TAF4: variants seen among roughly 807,000 people sequenced by gnomAD.
The protein encoded by TAF4 is transcription initiation factor TFIID subunit 4.
TAF4 carries 9 observed loss-of-function variants against 90.3 expected under a neutral mutation model. That is an observed-to-expected ratio of 0.10 (90% CI 0.06 to 0.17). The LOEUF (loss-of-function observed/expected upper bound fraction) is 0.17, where lower values mean the gene tolerates loss of function less well. Ranked by LOEUF, TAF4 falls within the 10% of genes least tolerant of loss-of-function variation. The probability of loss-of-function intolerance (pLI) is 1.00; values close to 1 mark genes in which losing one functional copy is unlikely to be tolerated. For missense variants in TAF4, 1,351 were observed against 1,370.7 expected, an observed-to-expected ratio of 0.99 and a Z score of 0.23; for synonymous variants, 818 against 638.9, an observed-to-expected ratio of 1.28 and a Z score of -4.23.
rs369048709 is a variant in TAF4, at chr20:61,985,112, G to A, written c.3091-8777C>T. On this transcript the variant is annotated intron_variant, in intron 14 of 14. Transcript: ENST00000252996. ...CGTTTTTGTACAGTTCTGACTCTCC[G>A]GACCATGGCAACGCTCCACCTCTCA... Among the ~76,000 whole-genome samples the A allele has an allele frequency of 3.9e-3, 419 of 107,428 alleles. 2 individuals carry two copies. The highest frequency in any genetic ancestry group is 0.013 in the African/African-American group (388 of 30,616). The allele number at this position is 107,428 out of a possible 152,430, so 70.5% of individuals were successfully genotyped here. A position where few individuals can be genotyped will look rare whatever the true frequency, so the allele number is the denominator to read the frequency against.
intron 1 of TAF4, among the ~76,000 whole-genome samples, chr20:62,056,754 G>A (rs1415990187): frequency 6.6e-6 from 1 of 152,228 alleles, no homozygotes; most frequent in African/African-American, 2.4e-5. Context: ...GACGTTACAA[G>A]TGACTGTATT....
intron 1 of TAF4, among the ~76,000 whole-genome samples, chr20:62,052,232 C>T (rs552703195): frequency 6.6e-6 from 1 of 152,092 alleles, no homozygotes; most frequent in South Asian, 2.1e-4. Context: ...CTCCCCCTCC[C>T]GCCCCACCCA....
chr20:62,020,391 C>A (rs2055836123), intron 1 of TAF4, among the ~76,000 whole-genome samples: 1 of 152,248 alleles, frequency 6.6e-6, no homozygotes, highest in African/African-American at 2.4e-5. Flanking sequence ...GAACAGTCGC[C>A]CCTGCCAGCC....
At chr20:62,026,143 T>A (rs898626395) in intron 1 of TAF4, among the ~76,000 whole-genome samples, 5 of 152,154 alleles carry the variant, frequency 3.3e-5, no homozygotes, top group Admixed American at 3.3e-4. Context: ...AACTGCCAAG[T>A]TCACAGCTAG....
At chr20:62,025,337 C>CA (rs1411644557) in intron 1 of TAF4, among the ~76,000 whole-genome samples, 1 of 152,208 alleles carries the variant, frequency 6.6e-6, no homozygotes, top group Non-Finnish European at 1.5e-5. Context: ...GAAAAGCACT[C>CA]AAATAAAATG....
rs761401561 is a variant in TAF4 at position 62,010,064 on chromosome 20, G to T, written c.1743C>A (p.Thr581=). 5 of 1,613,570 alleles carry T rather than the reference G, an allele frequency of 3.1e-6. No homozygotes were observed. The highest frequency in any genetic ancestry group is 4.2e-6 in the Non-Finnish European group (5 of 1,179,992). ...TPQRTVPGAT[T]TSSAATETME... ...CTCTTACCGTGGCAGCTGAGGAAGT[G>T]GTGGTCGCCCCTGGTACCGTGCGCT... The change falls in exon 4 of 15, where the codon ACC becomes ACA. Residue 581 remains threonine (T), a synonymous_variant. Transcript: ENST00000252996. This position sits in a 1 kb window ranked among gnomAD's most constrained non-coding sequence, Gnocchi z 4.5.
intron 1 of TAF4, among the ~76,000 whole-genome samples, chr20:62,062,435 A>G (rs1319252768): frequency 6.6e-6 from 1 of 152,148 alleles, no homozygotes; most frequent in Non-Finnish European, 1.5e-5. Flanking sequence ...ATTGAAACAA[A>G]TAACATAATC....
intron 1 of TAF4, among the ~76,000 whole-genome samples, chr20:62,021,922 G>A (rs1383841761): frequency 1.3e-5 from 2 of 152,196 alleles, no homozygotes; most frequent in African/African-American, 2.4e-5. Flanking sequence ...GTGAGTGAGT[G>A]CATCCCTGGG....
At position 62,065,581 on chromosome 20, in the gene TAF4, G is replaced by T. The variant is rs1471078292; in HGVS notation, c.230C>A (p.Ala77Asp). 2.0e-6 allele frequency: 2 copies of T among 980,808 alleles called. No individual in the cohort carries two copies. Among genetic ancestry groups the T allele is most frequent in the Non-Finnish European group, 2.4e-6 (2 of 828,830 alleles). The allele number at this position is 980,808 out of a possible 1,614,324, so 60.8% of individuals were successfully genotyped here. A position where few individuals can be genotyped will look rare whatever the true frequency, so the allele number is the denominator to read the frequency against. Reference sequence around the variant, plus strand: ...CGCTCCGGGCGCGCCCTCGGCGGGGGCGGCCGGCCCTGCGCCCGCGGCTCC... The same window carrying T: ...CGCTCCGGGCGCGCCCTCGGCGGGGTCGGCCGGCCCTGCGCCCGCGGCTCC... ...PAGAAGAGPA[A>D]PAEGAPGAAP... The change falls in exon 1 of 15, where the codon GCC (alanine) becomes GAC (aspartate). Residue 77 changes from alanine (A) to aspartate (D), a missense_variant. Physicochemically the swap from Ala to Asp is moderately radical, Grantham distance 126 (BLOSUM62 -2). Around this residue, in one of 9 missense-constraint regions of TAF4, gnomAD observed 782 missense variants for 536.6 expected, o/e 1.46. Coordinates refer to ENST00000252996, the MANE Select transcript of TAF4 (RefSeq NM_003185.4).
intron 1 of TAF4, 86 bp from the exon 2 acceptor site, chr20:62,014,793 G>A: frequency 6.5e-7 from 1 of 1,529,830 alleles, no homozygotes; most frequent in Non-Finnish European, 8.8e-7. Flanking sequence ...GAAGCTGACA[G>A]CTGTGAGAAG....
At chr20:62,053,958 G>A (rs1004518868) in intron 1 of TAF4, among the ~76,000 whole-genome samples, 5 of 152,230 alleles carry the variant, frequency 3.3e-5, no homozygotes, top group African/African-American at 4.8e-5. Flanking sequence ...GGCAGATGAG[G>A]TGGCCCAGAC....
At chr20:61,988,967 A>T (rs2055613845) in intron 14 of TAF4, among the ~76,000 whole-genome samples, 1 of 152,028 alleles carries the variant, frequency 6.6e-6, no homozygotes, top group Non-Finnish European at 1.5e-5. Flanking sequence ...TGGCGCCGCG[A>T]CCCCAGCAGG....
chr20:62,065,368 GCGGCGA>G lies in TAF4; in HGVS notation c.437_442del (p.Val146_Ala147del), dbSNP rs1267474933. 7.2e-6 allele frequency: 7 copies of G among 969,574 alleles called. No individual in the cohort carries two copies. In the African/African-American group the frequency reaches 9.1e-5, roughly 13 times the overall value. 60.1% of individuals were successfully genotyped at this position (969,574 alleles called of 1,614,324 possible). A position where few individuals can be genotyped will look rare whatever the true frequency, so the allele number is the denominator to read the frequency against. On this transcript the variant is annotated inframe_deletion, in exon 1 of 15. Coordinates refer to ENST00000252996, the MANE Select transcript of TAF4 (RefSeq NM_003185.4). ...GCCGGCGGGGGCGGGCTCGGGCCCCGCGGCGACGGCGGCGGCGGCGGGCACCGGGGC... is the reference window on the plus strand; with the variant it reads ...GCCGGCGGGGGCGGGCTCGGGCCCCGCGGCGGCGGCGGCGGGCACCGGGGC...
intron 11 of TAF4, 126 bp from the exon 12 acceptor site, chr20:61,999,234 A>C: frequency 8.1e-7 from 1 of 1,239,324 alleles, no homozygotes; most frequent in Non-Finnish European, 1.1e-6. Context: ...TGCGGCGAGG[A>C]CCCGATCCCT....
intron 1 of TAF4, among the ~76,000 whole-genome samples, chr20:62,028,359 AC>A (rs2055885831): frequency 1.3e-5 from 2 of 152,300 alleles, no homozygotes; most frequent in South Asian, 4.1e-4. Flanking sequence ...ATTACAGTTG[AC>A]CTTTGAAAAA....
chr20:62,000,485 C>G (rs747749543), intron 10 of TAF4, 67 bp downstream of exon 10: 9 of 1,548,798 alleles, frequency 5.8e-6, no homozygotes, highest in African/African-American at 1.4e-5. Context: ...GGTGTGCTCA[C>G]CTGAAGCTCC....
rs2055749758 is a variant in TAF4, at chr20:62,006,881, C to T, written c.1975-123G>A. The stretch of plus-strand genomic sequence containing the variant: ...TGAGCTAAGTAAGATGGATCTTGGC[C>T]CTCACGGCAGCATGTCTGGATGTCA... On this transcript the variant is annotated intron_variant, in intron 6 of 14. Coordinates refer to ENST00000252996, the MANE Select transcript of TAF4 (RefSeq NM_003185.4). This position sits in a 1 kb window ranked among gnomAD's most constrained non-coding sequence, Gnocchi z 7.0. 1.5e-6 allele frequency: 2 copies of T among 1,296,362 alleles called. No homozygotes were observed. Among genetic ancestry groups the T allele is most frequent in the Admixed American group, 3.5e-5 (1 of 28,516 alleles). The allele number at this position is 1,296,362 out of a possible 1,614,324, so 80.3% of individuals were successfully genotyped here. A position where few individuals can be genotyped will look rare whatever the true frequency, so the allele number is the denominator to read the frequency against.
chr20:61,994,277 A>G (rs1291531850), intron 14 of TAF4, among the ~76,000 whole-genome samples: 1 of 152,250 alleles, frequency 6.6e-6, no homozygotes. Flanking sequence ...GTGGGCACTC[A>G]GGCCTAGGCC....
chr20:62,053,373 T>A (rs6061990), intron 1 of TAF4, among the ~76,000 whole-genome samples: 1 of 151,948 alleles, frequency 6.6e-6, no homozygotes, highest in African/African-American at 2.4e-5. Context: ...TGTGACGAGC[T>A]CCCGGCCCAG....
Sources: gnomAD v4.1 joint callset for allele counts (sites outside exome capture counted in the v4.1 genomes callset) on GRCh38, gnomAD v4.1.1 for gene constraint, gnomAD v4.1.1 regional missense constraint, Gnocchi (gnomAD v3.1) non-coding constraint, MANE v1.5 for transcripts, NCBI Gene and HGNC (gene_info 2026-07-23, HGNC 2026-07-21) for gene names.